The following MYRIP variants were observed in gnomAD, a reference collection of about 807,000 sequenced individuals.
MYRIP encodes the protein rab effector MyRIP.
In MYRIP, 49 loss-of-function variants were observed where a neutral mutation model predicts 98.0. That is an observed-to-expected ratio of 0.50 (90% CI 0.40 to 0.63). The LOEUF is 0.63. Ranked by LOEUF, MYRIP falls within the 30% of genes least tolerant of loss-of-function variation. The pLI, the probability that MYRIP is intolerant of heterozygous loss-of-function variation, is 0.00. For missense variants in MYRIP, 1,004 were observed against 1,058.2 expected, an observed-to-expected ratio of 0.95 and a Z score of 0.71; for synonymous variants, 404 against 409.5, an observed-to-expected ratio of 0.99 and a Z score of 0.16.
At chr3:40,053,796 A>G (rs1878915) in intron 3 of MYRIP, among the ~76,000 whole-genome samples, 148,935 of 152,254 alleles carry the variant, frequency 0.98, 72,926 homozygotes, top group East Asian at 1. Flanking sequence ...TTAGAGGAAT[A>G]GCCAGCCTGT....
At chr3:40,167,622 C>T (rs1371660211) in intron 7 of MYRIP, among the ~76,000 whole-genome samples, 1 of 152,136 alleles carries the variant, frequency 6.6e-6, no homozygotes, top group Non-Finnish European at 1.5e-5. Flanking sequence ...TTAGTGCAGA[C>T]CCCACAAGTT....
intron 1 of MYRIP, among the ~76,000 whole-genome samples, chr3:39,872,811 T>C (rs1427357328): frequency 1.3e-5 from 2 of 152,226 alleles, no homozygotes; most frequent in Non-Finnish European, 2.9e-5. Context: ...TCTGTATGTG[T>C]CTTTATAGCA....
intron 3 of MYRIP, among the ~76,000 whole-genome samples, chr3:40,113,225 C>G (rs1248534944): frequency 3.3e-5 from 5 of 152,104 alleles, no homozygotes; most frequent in African/African-American, 4.8e-5. Context: ...CTCACTGCAG[C>G]CTCTACCTCC....
intron 3 of MYRIP, among the ~76,000 whole-genome samples, chr3:40,146,454 A>G (rs796406923): frequency 2.0e-5 from 3 of 152,302 alleles, no homozygotes; most frequent in African/African-American, 4.8e-5. Context: ...TTTTCTCTTC[A>G]TTGAAGTCAG....
intron 1 of MYRIP, among the ~76,000 whole-genome samples, chr3:39,858,201 A>T (rs999673191): frequency 3.3e-5 from 5 of 152,184 alleles, no homozygotes; most frequent in African/African-American, 1.2e-4. Flanking sequence ...GGATGGAAAA[A>T]TATATTCTGT....
chr3:40,158,096 C>A (rs374118759), intron 4 of MYRIP, among the ~76,000 whole-genome samples: 2 of 151,814 alleles, frequency 1.3e-5, no homozygotes, highest in Non-Finnish European at 2.9e-5. Flanking sequence ...TTAGGGTGTC[C>A]ATTTTGGATC....
At chr3:40,125,437 C>T (rs1205337398) in intron 3 of MYRIP, among the ~76,000 whole-genome samples, 1 of 152,142 alleles carries the variant, frequency 6.6e-6, no homozygotes, top group Non-Finnish European at 1.5e-5. Flanking sequence ...CATTTTTCTG[C>T]CTGCTTTATA....
At chr3:40,048,485 G>A (rs1947716997) in intron 3 of MYRIP, among the ~76,000 whole-genome samples, 1 of 136,722 alleles carries the variant, frequency 7.3e-6, no homozygotes, top group African/African-American at 2.6e-5. Context: ...AGTAATAACT[G>A]TATCAAATAC....
At chr3:40,231,776 T>TC (rs1382319137) in intron 11 of MYRIP, among the ~76,000 whole-genome samples, 1 of 151,566 alleles carries the variant, frequency 6.6e-6, no homozygotes, top group African/African-American at 2.4e-5. Flanking sequence ...AACTTTTTTT[T>TC]CTGAATCCCT....
At chr3:40,115,051 G>T (rs916131289) in intron 3 of MYRIP, among the ~76,000 whole-genome samples, 2 of 152,000 alleles carry the variant, frequency 1.3e-5, no homozygotes, top group Non-Finnish European at 2.9e-5. Flanking sequence ...AAAAAAGAAT[G>T]AAGTATTTCT....
At chr3:39,941,506 T>TATATATATATATATACATAC (rs1944784244) in intron 2 of MYRIP, among the ~76,000 whole-genome samples, 1 of 137,816 alleles carries the variant, frequency 7.3e-6, no homozygotes, top group Non-Finnish European at 1.5e-5. Context: ...TGTGTGTGTG[T>TATATATATATATATACATAC]GTGTATATAT....
chr3:40,017,596 A>G (rs985927089), intron 2 of MYRIP, among the ~76,000 whole-genome samples: 7 of 152,198 alleles, frequency 4.6e-5, no homozygotes, highest in African/African-American at 1.7e-4. Context: ...AAAAAGATAC[A>G]TAAGGGAACT....
intron 2 of MYRIP, among the ~76,000 whole-genome samples, chr3:40,021,188 T>C (rs1404713584): frequency 6.6e-6 from 1 of 152,154 alleles, no homozygotes; most frequent in Non-Finnish European, 1.5e-5. Flanking sequence ...AAACATTCTG[T>C]AGGATTTTTT....
chr3:39,839,755 C>T (rs1443571234), intron 1 of MYRIP, among the ~76,000 whole-genome samples: 2 of 152,096 alleles, frequency 1.3e-5, no homozygotes, highest in African/African-American at 2.4e-5. Context: ...TGTTCAGTTT[C>T]CATGTAGTTG....
Position 39,997,860 on chromosome 3 carries a change from C to G in MYRIP, c.111-46190C>G, listed in dbSNP as rs765913856. ...CGTGATCAAGTGGGCTTCATCCCTG[C>G]GATGCAAGCCTGGTTCAACATACGC... On this transcript the variant is annotated intron_variant, in intron 2 of 16. Coordinates refer to ENST00000302541, the MANE Select transcript of MYRIP (RefSeq NM_015460.4). Among the ~76,000 whole-genome samples, 293 of 152,128 alleles carry G rather than the reference C, an allele frequency of 1.9e-3. 1 individual carries two copies. The highest frequency in any genetic ancestry group is 6.0e-3 in the South Asian group (29 of 4,804).
At chr3:39,918,679 A>G (rs1459679248) in intron 2 of MYRIP, among the ~76,000 whole-genome samples, 1 of 152,260 alleles carries the variant, frequency 6.6e-6, no homozygotes, top group Non-Finnish European at 1.5e-5. Flanking sequence ...TCTTATGAAG[A>G]TCTCAAGGAA....
At chr3:39,911,614 C>G (rs563790519) in intron 2 of MYRIP, among the ~76,000 whole-genome samples, 1 of 152,296 alleles carries the variant, frequency 6.6e-6, no homozygotes, top group South Asian at 2.1e-4. Context: ...TGAAAGGGAG[C>G]AAGGAGGAAA....
chr3:39,861,785 A>G (rs1316380895), intron 1 of MYRIP, among the ~76,000 whole-genome samples: 2 of 152,192 alleles, frequency 1.3e-5, no homozygotes, highest in Non-Finnish European at 2.9e-5. Context: ...TTCAGAGAAA[A>G]GTAAAGGAAA....
At chr3:40,027,828 A>T (rs1238002920) in intron 2 of MYRIP, among the ~76,000 whole-genome samples, 1 of 152,020 alleles carries the variant, frequency 6.6e-6, no homozygotes, top group African/African-American at 2.4e-5. Flanking sequence ...GGGTGGCAAG[A>T]TGGGCAGGGT....
Sources: allele counts gnomAD v4.1 joint callset (sites outside exome capture counted in the v4.1 genomes callset), GRCh38; gene constraint gnomAD v4.1.1; transcripts MANE v1.5; gene names NCBI Gene and HGNC (gene_info 2026-07-23, HGNC 2026-07-21).